The following MBTD1 variants were observed in gnomAD, a reference collection of about 807,000 sequenced individuals.
The protein encoded by MBTD1 is MBT domain-containing protein 1.
In MBTD1, 24 loss-of-function variants were observed where a neutral mutation model predicts 87.8. The observed-to-expected ratio is 0.27, with a 90% CI of 0.20 to 0.38. The LOEUF (loss-of-function observed/expected upper bound fraction) is 0.38, where lower values mean the gene tolerates loss of function less well. Among genes scored for constraint, MBTD1 ranks in the 10% least tolerant of loss-of-function variants. The pLI, the probability that MBTD1 is intolerant of heterozygous loss-of-function variation, is 1.00. For missense variants in MBTD1, 436 were observed against 760.2 expected (o/e 0.57, Z 5.02); for synonymous variants, 237 against 248.6 (o/e 0.95, Z 0.44).
intron 12 of MBTD1, among the ~76,000 whole-genome samples, chr17:51,200,490 C>T (rs1197906497): frequency 7.0e-6 from 1 of 142,424 alleles, no homozygotes. Flanking sequence ...ATTGCTTGAG[C>T]TCAAGGCTGT....
At chr17:51,229,660 C>CTTT (rs36024708) in intron 2 of MBTD1, among the ~76,000 whole-genome samples, 1 of 117,800 alleles carries the variant, frequency 8.5e-6, no homozygotes. Context: ...TTTTAGTATA[C>CTTT]TTTTTTTTTT....
At chr17:51,241,789 C>T (rs2054174578) in intron 2 of MBTD1, among the ~76,000 whole-genome samples, 1 of 152,158 alleles carries the variant, frequency 6.6e-6, no homozygotes, top group African/African-American at 2.4e-5. Context: ...TGGTTTCGAA[C>T]TCCTGACTTC....
intron 12 of MBTD1, among the ~76,000 whole-genome samples, chr17:51,201,253 C>T (rs1273720609): frequency 1.3e-5 from 2 of 151,944 alleles, no homozygotes; most frequent in African/African-American, 4.8e-5. Flanking sequence ...AAGAAAAAGG[C>T]CTAAAGAGGA....
chr17:51,257,059 G>A (rs2055131455), intron 2 of MBTD1, among the ~76,000 whole-genome samples: 2 of 152,292 alleles, frequency 1.3e-5, no homozygotes, highest in Non-Finnish European at 2.9e-5. Context: ...AAATCCTTAA[G>A]CCAAGGTTTA....
At chr17:51,201,831 G>T (rs1434550821) in intron 11 of MBTD1, 135 bp from the exon 12 acceptor site, 4 of 753,192 alleles carry the variant, frequency 5.3e-6, no homozygotes, top group Middle Eastern at 3.2e-4. Context: ...TTCCATTAAG[G>T]TTTAGAGAGA....
intron 2 of MBTD1, among the ~76,000 whole-genome samples, chr17:51,227,249 A>AT (rs1456236648): frequency 2.4e-4 from 9 of 37,836 alleles, no homozygotes; most frequent in African/African-American, 7.2e-4. Flanking sequence ...CTCCAAAAAA[A>AT]AAAAAAAAAA....
intron 12 of MBTD1, among the ~76,000 whole-genome samples, chr17:51,196,840 C>T (rs774775120): frequency 1.3e-5 from 2 of 151,262 alleles, no homozygotes; most frequent in Non-Finnish European, 2.9e-5. Context: ...TGCAGTGAGC[C>T]GAGACCATGC....
chr17:51,193,291 G>T, intron 14 of MBTD1, 137 bp downstream of exon 14: 1 of 640,238 alleles, frequency 1.6e-6, no homozygotes, highest in Non-Finnish European at 2.7e-6. Flanking sequence ...TATTTATATT[G>T]TTTCATTGCT....
At chr17:51,192,438 A>G in intron 15 of MBTD1, 158 bp from the exon 16 acceptor site, 2 of 641,332 alleles carry the variant, frequency 3.1e-6, no homozygotes. Context: ...ACAAAACCAT[A>G]GCCTCAACAT....
upstream of MBTD1, chr17:51,260,747 A>AGC: frequency 6.3e-7 from 1 of 1,584,390 alleles, no homozygotes; most frequent in Non-Finnish European, 8.6e-7. Context: ...GGCCCGGCCG[A>AGC]GCGCGGCGGC....
chr17:51,195,481 T>A (rs975203227), intron 12 of MBTD1, 120 bp from the exon 13 acceptor site: 2 of 683,514 alleles, frequency 2.9e-6, no homozygotes, highest in African/African-American at 1.8e-5. Context: ...AAGTGAAACA[T>A]GCTTCTCTAT....
At chr17:51,182,297 T>C (rs1041914410) in intron 16 of MBTD1, among the ~76,000 whole-genome samples, 1 of 152,066 alleles carries the variant, frequency 6.6e-6, no homozygotes, top group African/African-American at 2.4e-5. Context: ...GCGAATTCTT[T>C]TGTATTTTTA....
At chr17:51,198,658 T>C (rs1009504361) in intron 12 of MBTD1, among the ~76,000 whole-genome samples, 1 of 152,196 alleles carries the variant, frequency 6.6e-6, no homozygotes, top group African/African-American at 2.4e-5. Context: ...CAGAGACTGT[T>C]GTCACATGGG....
At position 51,179,490 on chromosome 17, in the gene MBTD1, A is replaced by ATATATATATATATATATATATATT. The variant is rs2050209589; in HGVS notation, c.*1085_*1086insAATATATATATATATATATATATA. ...AATACAATTAAAGACAATTTTATAT[A>ATATATATATATATATATATATATT]TATATATATATATATATATATATAT... On this transcript the variant is annotated 3_prime_UTR_variant, in exon 17 of 17. Transcript: ENST00000586178. 2 of 23,530 alleles carry ATATATATATATATATATATATATT rather than the reference A, an allele frequency of 8.5e-5. No individual in the cohort carries two copies. The highest frequency in any genetic ancestry group is 9.0e-5 in the Non-Finnish European group (1 of 11,150). The allele number at this position is 23,530 out of a possible 1,614,324, so 1.5% of individuals were successfully genotyped here. A position where few individuals can be genotyped will look rare whatever the true frequency, so the allele number is the denominator to read the frequency against.
intron 4 of MBTD1, among the ~76,000 whole-genome samples, chr17:51,219,449 G>C (rs2052760696): frequency 6.6e-6 from 1 of 152,184 alleles, no homozygotes; most frequent in Non-Finnish European, 1.5e-5. Context: ...CAAAGAGCAA[G>C]TGACTGAGGT....
intron 16 of MBTD1, among the ~76,000 whole-genome samples, chr17:51,190,487 G>A (rs1355416115): frequency 1.3e-5 from 2 of 151,702 alleles, no homozygotes; most frequent in African/African-American, 2.4e-5. Flanking sequence ...GGGAGACCAA[G>A]GCAGGCAGAT....
intron 6 of MBTD1, among the ~76,000 whole-genome samples, chr17:51,215,327 A>G (rs1012190207): frequency 1.2e-4 from 19 of 152,352 alleles, no homozygotes; most frequent in African/African-American, 4.1e-4. Context: ...ATTTTCTCAT[A>G]AATAACTTTA....
intron 16 of MBTD1, among the ~76,000 whole-genome samples, chr17:51,187,915 G>C (rs958803693): frequency 2.7e-5 from 4 of 150,246 alleles, no homozygotes; most frequent in African/African-American, 9.8e-5. Flanking sequence ...ACTGAGTTAT[G>C]TCTGTTTTCT....
In MBTD1 at chr17:51,229,660, CTT is replaced by C. The variant is rs36024708; in HGVS notation, c.-48-4453_-48-4452del. Among the ~76,000 whole-genome samples, 147 of 117,760 alleles carry C rather than the reference CTT, an allele frequency of 1.2e-3. 1 individual carries two copies. Among genetic ancestry groups the C allele is most frequent in the East Asian group, 2.4e-3 (10 of 4,144 alleles). The allele number at this position is 117,760 out of a possible 152,430, so 77.3% of individuals were successfully genotyped here. The stretch of plus-strand genomic sequence containing the variant: ...CCACAGCCCAGGCATTTTTAGTATA[CTT>C]TTTTTTTTTTTTTTTTGAGACAGAG... On this transcript the variant is annotated intron_variant, in intron 2 of 16. Coordinates refer to ENST00000586178, the MANE Select transcript of MBTD1 (RefSeq NM_017643.3).
Sources: gnomAD v4.1 joint callset for allele counts (sites outside exome capture counted in the v4.1 genomes callset) on GRCh38, gnomAD v4.1.1 for gene constraint, MANE v1.5 for transcripts, NCBI Gene and HGNC (gene_info 2026-07-23, HGNC 2026-07-21) for gene names.